The following TACC2 variants were observed in gnomAD, a reference collection of about 807,000 sequenced individuals.
TACC2 encodes transforming acidic coiled-coil-containing protein 2.
In TACC2, 137 loss-of-function variants were observed where a neutral mutation model predicts 227.3. The ratio of observed to expected loss-of-function variants is 0.60; its 90% CI spans 0.52 to 0.69. The LOEUF is 0.69. Among genes scored for constraint, TACC2 ranks in the 30% least tolerant of loss-of-function variants. The pLI is 0.00. For missense variants in TACC2, 3,470 were observed against 3,694.4 expected, an observed-to-expected ratio of 0.94 and a Z score of 1.57; for synonymous variants, 1,523 against 1,487.5, an observed-to-expected ratio of 1.02 and a Z score of -0.55.
At chr10:122,111,934 AT>A (rs1189773594) in intron 5 of TACC2, among the ~76,000 whole-genome samples, 1 of 87,660 alleles carries the variant, frequency 1.1e-5, no homozygotes, top group African/African-American at 3.0e-5. Flanking sequence ...CAAGGAATCT[AT>A]TTAAGTTTCC....
At chr10:122,134,463 G>A (rs1458068869) in intron 6 of TACC2, among the ~76,000 whole-genome samples, 1 of 152,158 alleles carries the variant, frequency 6.6e-6, no homozygotes, top group Non-Finnish European at 1.5e-5. Context: ...ACAGGCGTGA[G>A]CCACCTCGCC....
At chr10:122,008,264 A>ATTATTATTATTATTATTATTAT in intron 1 of TACC2, among the ~76,000 whole-genome samples, 4 of 134,654 alleles carry the variant, frequency 3.0e-5, no homozygotes, top group East Asian at 2.1e-4. Context: ...TATTATTATT[A>ATTATTATTATTATTATTATTAT]TTTTTTTTTT....
chr10:122,047,203 C>T (rs1389150397), intron 2 of TACC2, among the ~76,000 whole-genome samples: 2 of 137,428 alleles, frequency 1.5e-5, no homozygotes, highest in South Asian at 2.4e-4. Flanking sequence ...GCAGGAGAAT[C>T]GCTTGAATCC....
intron 7 of TACC2, among the ~76,000 whole-genome samples, chr10:122,182,507 C>A (rs1284854641): frequency 6.6e-6 from 1 of 152,144 alleles, no homozygotes; most frequent in African/African-American, 2.4e-5. Flanking sequence ...ACAATGACTT[C>A]TCAGCAGGAC....
At chr10:122,129,039 C>T (rs1354913494) in intron 5 of TACC2, among the ~76,000 whole-genome samples, 3 of 146,846 alleles carry the variant, frequency 2.0e-5, no homozygotes, top group Non-Finnish European at 3.0e-5. Flanking sequence ...CATCTAGATA[C>T]ATGAAGATCT....
chr10:122,133,212 G>C (rs1474232504), intron 6 of TACC2, among the ~76,000 whole-genome samples: 4 of 152,100 alleles, frequency 2.6e-5, no homozygotes, highest in Non-Finnish European at 4.4e-5. Context: ...AGGGGAGCCA[G>C]GGGCCTGGGG....
At chr10:122,020,931 A>G (rs529838432) in intron 1 of TACC2, among the ~76,000 whole-genome samples, 3 of 152,256 alleles carry the variant, frequency 2.0e-5, no homozygotes, top group East Asian at 1.9e-4. Context: ...AAGCACCCTA[A>G]TTAAGATGAT....
At chr10:122,073,126 A>AAAAAAAATATATATAT (rs1383487943) in intron 3 of TACC2, among the ~76,000 whole-genome samples, 1 of 71,004 alleles carries the variant, frequency 1.4e-5, no homozygotes, top group Non-Finnish European at 2.5e-5. Context: ...AAAAAAAAAA[A>AAAAAAAATATATATAT]ATATATATAT....
In TACC2 at chr10:122,084,905, A is replaced by C. The variant is rs770888861; in HGVS notation, c.2405A>C (p.Gln802Pro). The C allele has an allele frequency of 2.5e-6, 4 of 1,614,010 alleles. No homozygotes were observed. In the South Asian group the frequency reaches 3.3e-5, roughly 13 times the overall value. Residue 802 changes from glutamine to proline, a missense_variant, in exon 4 of 23, where the codon CAG becomes CCG. Physicochemically the swap from Gln to Pro is moderately conservative, Grantham distance 76. Around this residue, in one of 10 missense-constraint regions of TACC2, gnomAD observed 1,924 missense variants for 1,978.3 expected, o/e 0.97. Coordinates refer to ENST00000369005, the MANE Select transcript of TACC2 (RefSeq NM_206862.4). Reference protein sequence around the residue: ...GLTALILDQDQQGIPSCPGEG... With the variant: ...GLTALILDQDPQGIPSCPGEG... ...ACGGCACTCATCCTGGACCAAGATCAGCAGGGAATCCCATCCTGCCCAGGG... is the reference window on the plus strand; with the variant it reads ...ACGGCACTCATCCTGGACCAAGATCCGCAGGGAATCCCATCCTGCCCAGGG...
At chr10:122,049,523 G>A (rs575936430) in intron 2 of TACC2, among the ~76,000 whole-genome samples, 13 of 152,236 alleles carry the variant, frequency 8.5e-5, no homozygotes, top group Admixed American at 2.0e-4. Context: ...TGGAGGGTAT[G>A]GGTGGAACTG....
At chr10:122,066,422 C>T (rs755705375) in intron 3 of TACC2, among the ~76,000 whole-genome samples, 15 of 152,146 alleles carry the variant, frequency 9.9e-5, no homozygotes, top group African/African-American at 1.7e-4. Context: ...GTGTGCACCA[C>T]CACACCCAGC....
intron 7 of TACC2, among the ~76,000 whole-genome samples, chr10:122,175,470 T>C (rs2140153451): frequency 6.6e-6 from 1 of 152,318 alleles, no homozygotes; most frequent in South Asian, 2.1e-4. Context: ...CCAGACCCCG[T>C]TCTGTCCAGA....
At chr10:122,203,218 A>AC (rs1225919408) in intron 8 of TACC2, among the ~76,000 whole-genome samples, 1 of 150,372 alleles carries the variant, frequency 6.7e-6, no homozygotes, top group African/African-American at 2.5e-5. Flanking sequence ...GGGGCTCCTC[A>AC]TTTCCCAGTA....
chr10:122,253,113 G>A (rs1273174838), intron 22 of TACC2, among the ~76,000 whole-genome samples: 2 of 152,228 alleles, frequency 1.3e-5, no homozygotes, highest in African/African-American at 2.4e-5. Flanking sequence ...GAGGTTTTCA[G>A]GGAAGGGCTC....
intron 2 of TACC2, among the ~76,000 whole-genome samples, chr10:122,027,823 A>G (rs1240904424): frequency 1.3e-5 from 2 of 150,756 alleles, no homozygotes; most frequent in African/African-American, 4.9e-5. Context: ...GGCTCACTGC[A>G]AGCTCCGCCT....
intron 5 of TACC2, among the ~76,000 whole-genome samples, chr10:122,117,099 A>G (rs938274768): frequency 3.3e-5 from 5 of 152,016 alleles, no homozygotes; most frequent in African/African-American, 1.2e-4. Flanking sequence ...CAAAATCAGC[A>G]TGCTCACAAC....
chr10:122,099,392 G>A (rs893184743), intron 5 of TACC2, among the ~76,000 whole-genome samples: 1 of 152,202 alleles, frequency 6.6e-6, no homozygotes, highest in Non-Finnish European at 1.5e-5. Flanking sequence ...TCTGGCACCT[G>A]AGGCTGGGTA....
chr10:122,195,899 C>T (rs1048665994), intron 8 of TACC2, among the ~76,000 whole-genome samples: 1 of 152,158 alleles, frequency 6.6e-6, no homozygotes, highest in Non-Finnish European at 1.5e-5. Flanking sequence ...TGGTATTGTC[C>T]TTGGGCCTGG....
chr10:122,108,549 G>A (rs1174664707), intron 5 of TACC2, among the ~76,000 whole-genome samples: 1 of 146,224 alleles, frequency 6.8e-6, no homozygotes, highest in Non-Finnish European at 1.5e-5. Context: ...AGGTTCAAGT[G>A]ATTCTCCTAC....
Sources: gnomAD v4.1 joint callset for allele counts (sites outside exome capture counted in the v4.1 genomes callset) on GRCh38, gnomAD v4.1.1 for gene constraint, gnomAD v4.1.1 regional missense constraint, MANE v1.5 for transcripts, NCBI Gene and HGNC (gene_info 2026-07-23, HGNC 2026-07-21) for gene names.